Variants in SCML2 observed in about 807,000 individuals in gnomAD.
SCML2 encodes the protein sex comb on midleg-like protein 2.
SCML2 carries 6 observed loss-of-function variants against 48.4 expected under a neutral mutation model. The observed-to-expected ratio is 0.12, with a 90% confidence interval of 0.07 to 0.24. The LOEUF (loss-of-function observed/expected upper bound fraction) is 0.24, where lower values mean the gene tolerates loss of function less well. Ranked by LOEUF, SCML2 falls within the 10% of genes least tolerant of loss-of-function variation. The pLI, the probability that SCML2 is intolerant of heterozygous loss-of-function variation, is 1.00. For synonymous variants in SCML2, 181 were observed against 189.5 expected (o/e 0.95, Z 0.37); for missense variants, 377 against 528.2 (o/e 0.71, Z 2.81).
At chrX:18,318,932 AG>A (rs1210926631) in intron 6 of SCML2, among the ~76,000 whole-genome samples, 1 of 112,127 alleles carries the variant, frequency 8.9e-6, no homozygotes, top group Non-Finnish European at 1.9e-5. Context: ...ATTTGGACAC[AG>A]GGTCTTCAAA....
At chrX:18,257,635 C>A (rs1273006762) in intron 10 of SCML2, among the ~76,000 whole-genome samples, 1 of 109,932 alleles carries the variant, frequency 9.1e-6, no homozygotes, top group Non-Finnish European at 1.9e-5. Flanking sequence ...CACCTGTAAT[C>A]CCAGCATTCT....
At chrX:18,313,221 A>G (rs769599359) in intron 6 of SCML2, among the ~76,000 whole-genome samples, 1 of 111,033 alleles carries the variant, frequency 9.0e-6, no homozygotes, top group Non-Finnish European at 1.9e-5. Context: ...TGTGTCCCCA[A>G]CCAAATCTCA....
chrX:18,291,008 T>C (rs1928213894), intron 7 of SCML2, among the ~76,000 whole-genome samples: 1 of 111,949 alleles, frequency 8.9e-6, no homozygotes. Context: ...ATTTCTATTA[T>C]TTTTTAGAGA....
chrX:18,307,794 G>A (rs570327072), intron 6 of SCML2, among the ~76,000 whole-genome samples: 17 of 110,379 alleles, frequency 1.5e-4, no homozygotes, highest in Middle Eastern at 4.6e-3. Flanking sequence ...GGGCAACTTA[G>A]CAAAACCCTA....
intron 13 of SCML2, among the ~76,000 whole-genome samples, chrX:18,245,521 T>C (rs1208602544): frequency 8.9e-6 from 1 of 112,123 alleles, no homozygotes; most frequent in Admixed American, 9.4e-5. Context: ...ACATTAAATG[T>C]GTCATGGTGT....
intron 1 of SCML2, among the ~76,000 whole-genome samples, chrX:18,336,063 C>T (rs751825751): frequency 1.1e-3 from 119 of 111,689 alleles, no homozygotes; most frequent in African/African-American, 3.7e-3. Context: ...CTAGGCAGTC[C>T]GGAAATAGAC....
chrX:18,338,479 G>C (rs1350258439), intron 1 of SCML2, among the ~76,000 whole-genome samples: 1 of 107,738 alleles, frequency 9.3e-6, no homozygotes, highest in Non-Finnish European at 1.9e-5. Flanking sequence ...AACAATCCAG[G>C]CACAAACTGT....
In SCML2 at chrX:18,277,221, C is replaced by A. The variant is rs191779920; in HGVS notation, c.731-11419G>T. 5.4e-5 allele frequency among the ~76,000 whole-genome samples: 6 copies of A among 110,969 alleles called. No individual in the cohort carries two copies. In the East Asian group the frequency reaches 1.7e-3, roughly 31 times the overall value. ...AAGTAGCTGGGACTACAGGCATGCA[C>A]CACCACACCCAGCTAACTTTTTTAT... On this transcript the variant is annotated intron_variant, in intron 7 of 14. Coordinates refer to ENST00000251900, the MANE Select transcript of SCML2 (RefSeq NM_006089.3).
chrX:18,353,148 A>C (rs2147579183), intron 1 of SCML2, among the ~76,000 whole-genome samples: 1 of 110,685 alleles, frequency 9.0e-6, no homozygotes, highest in African/African-American at 3.3e-5. Context: ...AAAAAAAAAA[A>C]AACACACAAA....
chrX:18,331,862 C>T (rs190969612), intron 2 of SCML2, among the ~76,000 whole-genome samples: 95 of 111,957 alleles, frequency 8.5e-4, no homozygotes, highest in African/African-American at 2.9e-3. Context: ...CCACAGAGTT[C>T]GGTTCCTCTG....
intron 1 of SCML2, among the ~76,000 whole-genome samples, chrX:18,349,820 C>A (rs1170081842): frequency 9.0e-6 from 1 of 111,308 alleles, no homozygotes; most frequent in Non-Finnish European, 1.9e-5. Context: ...CAAAAAAAAA[C>A]CCAGTATTAT....
At chrX:18,307,575 T>C (rs1165644045) in intron 6 of SCML2, among the ~76,000 whole-genome samples, 1 of 112,059 alleles carries the variant, frequency 8.9e-6, no homozygotes, top group Non-Finnish European at 1.9e-5. Flanking sequence ...AGACTGAGAC[T>C]TTCTGTAGCA....
chrX:18,352,110 AAG>A (rs1287889033), intron 1 of SCML2, among the ~76,000 whole-genome samples: 1 of 111,918 alleles, frequency 8.9e-6, no homozygotes, highest in Admixed American at 9.5e-5. Flanking sequence ...AAAAGAAAAT[AAG>A]AGTCACATCT....
chrX:18,345,033 C>T (rs1930155395), intron 1 of SCML2, among the ~76,000 whole-genome samples: 1 of 111,209 alleles, frequency 9.0e-6, no homozygotes, highest in Admixed American at 9.7e-5. Flanking sequence ...TTATTACAAG[C>T]CTGCATAGTA....
chrX:18,260,134 T>C, intron 9 of SCML2, 37 bp downstream of exon 9: 3 of 1,011,979 alleles, frequency 3.0e-6, no homozygotes, highest in Admixed American at 2.8e-5. Flanking sequence ...GGATAAAAGA[T>C]TAGTAATTCT....
chrX:18,345,598 C>A (rs745665336), intron 1 of SCML2, among the ~76,000 whole-genome samples: 1 of 111,020 alleles, frequency 9.0e-6, no homozygotes, highest in Non-Finnish European at 1.9e-5. Context: ...TTCCATGTTG[C>A]CCAGGCTGGT....
At position 18,276,745 on chromosome X, in the gene SCML2, T is replaced by A. The variant is rs146220868; in HGVS notation, c.731-10943A>T. 4.5e-3 allele frequency among the ~76,000 whole-genome samples: 499 copies of A among 111,836 alleles called. 3 individuals carry two copies. The highest frequency in any genetic ancestry group is 0.015 in the African/African-American group (468 of 30,780). ...ACACAAAAGGTCACACCTTGTATGA[T>A]CCCATTTACACAAACTATTAATATC... On this transcript the variant is annotated intron_variant, in intron 7 of 14. Coordinates refer to ENST00000251900, the MANE Select transcript of SCML2 (RefSeq NM_006089.3).
intron 12 of SCML2, 136 bp downstream of exon 12, chrX:18,247,633 C>T: frequency 2.4e-6 from 1 of 416,701 alleles, no homozygotes; most frequent in Non-Finnish European, 4.2e-6. Flanking sequence ...CAAAGCTGTC[C>T]AAGTAGTAGC....
At chrX:18,287,122 A>G (rs1928080622) in intron 7 of SCML2, among the ~76,000 whole-genome samples, 1 of 111,703 alleles carries the variant, frequency 9.0e-6, no homozygotes, top group South Asian at 3.7e-4. Flanking sequence ...CAAAGATATC[A>G]GTTTTACAGT....
Sources: gnomAD v4.1 joint callset for allele counts (sites outside exome capture counted in the v4.1 genomes callset) on GRCh38, gnomAD v4.1.1 for gene constraint, MANE v1.5 for transcripts, NCBI Gene and HGNC (gene_info 2026-07-23, HGNC 2026-07-21) for gene names.